STX2: variants seen among roughly 807,000 people sequenced by gnomAD.
STX2 encodes the protein syntaxin-2.
STX2 carries 27 observed loss-of-function variants against 40.6 expected under a neutral mutation model. That is an observed-to-expected ratio of 0.66 (90% CI 0.49 to 0.92). The LOEUF (loss-of-function observed/expected upper bound fraction) is 0.92. Ranked by LOEUF, STX2 falls within the 40% of genes least tolerant of loss-of-function variation. The pLI, the probability that STX2 is intolerant of heterozygous loss-of-function variation, is 0.00. For missense variants in STX2, 328 were observed against 366.1 expected (o/e 0.90, Z 0.85); for synonymous variants, 123 against 119.1 (o/e 1.03, Z -0.22).
rs1331470637 is a variant in STX2, at chr12:130,818,186, ATATATATATATATAT to A, written c.205+3488_205+3502del. On this transcript the variant is annotated intron_variant, in intron 3 of 10. Transcript: ENST00000392373. Reference sequence around the variant, plus strand: ...CTGTTTCTACAAAAAAAAAAAAAAAATATATATATATATATATATATATATATATATAAAATTATC... The same window carrying A: ...CTGTTTCTACAAAAAAAAAAAAAAAAATATATATATATATATAAAATTATC... 1.7e-3 allele frequency among the ~76,000 whole-genome samples: 105 copies of A among 62,290 alleles called. 3 individuals are homozygous for A. The highest frequency in any genetic ancestry group is 2.1e-3 in the Non-Finnish European group (82 of 38,994). The allele number at this position is 62,290 out of a possible 152,430, so 40.9% of individuals were successfully genotyped here.
intron 2 of STX2, among the ~76,000 whole-genome samples, chr12:130,824,703 C>A (rs986340909): frequency 5.9e-5 from 9 of 151,816 alleles, no homozygotes; most frequent in African/African-American, 2.2e-4. Context: ...TAGTGTTAAC[C>A]AAACACTCAC....
chr12:130,828,418 T>G (rs1183841010), intron 1 of STX2, among the ~76,000 whole-genome samples: 1 of 149,284 alleles, frequency 6.7e-6, no homozygotes, highest in Non-Finnish European at 1.5e-5. Flanking sequence ...TTTTGTATTT[T>G]TAGTAGAGAC....
rs184103290 is a variant in STX2 at position 130,792,107 on chromosome 12, G to C, written c.*46-130C>G. The C allele has an allele frequency of 8.3e-4, 472 of 571,178 alleles. 1 individual carries two copies. The highest frequency in any genetic ancestry group is 7.7e-3 in the Middle Eastern group (16 of 2,082). 35.4% of individuals were successfully genotyped at this position (571,178 alleles called of 1,614,324 possible). On this transcript the variant is annotated intron_variant, in intron 10 of 10. Transcript: ENST00000392373. ...CATTATCAAGAAAGGACTCCTCCAT[G>C]TCATAGAAAAGAATGTGATCTTGGC...
intron 9 of STX2, 132 bp from the exon 10 acceptor site, chr12:130,796,252 G>C: frequency 8.9e-7 from 1 of 1,124,954 alleles, no homozygotes; most frequent in South Asian, 1.6e-5. Context: ...TCAGCACTTT[G>C]GGAGTCCGAG....
chr12:130,828,391 C>CTT (rs35993256), intron 1 of STX2, among the ~76,000 whole-genome samples: 1,403 of 106,470 alleles, frequency 0.013, 57 homozygotes, highest in African/African-American at 0.048. Context: ...CCACACCCGG[C>CTT]TTTTTTTTTT....
intron 3 of STX2, among the ~76,000 whole-genome samples, chr12:130,818,185 A>AAAAAAATATATATATATATATAT: frequency 8.5e-5 from 6 of 70,534 alleles, no homozygotes; most frequent in African/African-American, 4.8e-4. Context: ...AAAAAAAAAA[A>AAAAAAATATATATATATATATAT]ATATATATAT....
intron 1 of STX2, among the ~76,000 whole-genome samples, chr12:130,835,162 G>A (rs567463222): frequency 5.1e-4 from 77 of 152,186 alleles, no homozygotes; most frequent in Non-Finnish European, 8.4e-4. Flanking sequence ...AGCGGCACGC[G>A]CCTGTGGTCC....
intron 3 of STX2, among the ~76,000 whole-genome samples, chr12:130,816,072 C>G (rs1169064222): frequency 1.3e-5 from 2 of 152,236 alleles, no homozygotes; most frequent in Non-Finnish European, 2.9e-5. Flanking sequence ...GAGGCTGATG[C>G]AAACACCCCC....
chr12:130,817,801 G>A (rs946223791), intron 3 of STX2, among the ~76,000 whole-genome samples: 1 of 151,870 alleles, frequency 6.6e-6, no homozygotes, highest in Non-Finnish European at 1.5e-5. Context: ...TTCTAAACTA[G>A]AATCTTCTAC....
In STX2 at chr12:130,814,711, G is replaced by A. The variant is rs138379458; in HGVS notation, c.206-1680C>T. Among the ~76,000 whole-genome samples, 845 of 128,938 alleles carry A rather than the reference G, an allele frequency of 6.6e-3. 11 individuals are homozygous for A. Among genetic ancestry groups the A allele is most frequent in the African/African-American group, 0.024 (808 of 33,662 alleles). The allele number at this position is 128,938 out of a possible 152,430, so 84.6% of individuals were successfully genotyped here. A position where few individuals can be genotyped will look rare whatever the true frequency, so the allele number is the denominator to read the frequency against. ...GAGTGCAGTGGCACAATCTCGACTCGTTGCAACTTCCGCCTCCTGGGTTCA... is the reference window on the plus strand; with the variant it reads ...GAGTGCAGTGGCACAATCTCGACTCATTGCAACTTCCGCCTCCTGGGTTCA... On this transcript the variant is annotated intron_variant, in intron 3 of 10. Coordinates refer to ENST00000392373, the MANE Select transcript of STX2 (RefSeq NM_194356.4).
chr12:130,835,783 T>G (rs573875345), intron 1 of STX2, among the ~76,000 whole-genome samples: 23 of 152,116 alleles, frequency 1.5e-4, no homozygotes, highest in Non-Finnish European at 2.9e-4. Context: ...GGATTTAGAG[T>G]GTCAGAGATC....
chr12:130,803,814 C>T (rs1347247774), intron 6 of STX2, among the ~76,000 whole-genome samples: 2 of 152,144 alleles, frequency 1.3e-5, no homozygotes, highest in African/African-American at 4.8e-5. Context: ...AATTCCTTAT[C>T]CAGAATGCTG....
In STX2 at chr12:130,812,951, A is replaced by C. The variant is rs765202800; in HGVS notation, c.280+6T>G. 51 of 1,547,002 alleles carry C rather than the reference A, an allele frequency of 3.3e-5. No homozygotes were observed. Among genetic ancestry groups the C allele is most frequent in the Non-Finnish European group, 4.2e-5 (48 of 1,147,848 alleles). On this transcript the variant is annotated splice_donor_region_variant and intron_variant, in intron 4 of 10. Transcript: ENST00000392373. ...TCAATAATTAAACATAAAACTTCAA[A>C]CTTACCCTTTAACTTGGCTCGAATT...
Position 130,807,288 on chromosome 12 carries a change from C to T in STX2, c.355-198G>A, listed in dbSNP as rs182315642. ...TGATCTTACCTAATTTTTACAAGAC[C>T]CCTACTATGCCGGTCACAACCCTAC... On this transcript the variant is annotated intron_variant, in intron 5 of 10. Coordinates refer to ENST00000392373, the MANE Select transcript of STX2 (RefSeq NM_194356.4). 2.9e-3 allele frequency among the ~76,000 whole-genome samples: 420 copies of T among 144,768 alleles called. 1 individual carries two copies. The highest frequency in any genetic ancestry group is 0.011 in the African/African-American group (392 of 34,890). 95.0% of individuals were successfully genotyped at this position (144,768 alleles called of 152,430 possible).
intron 1 of STX2, among the ~76,000 whole-genome samples, chr12:130,833,191 C>A (rs986657533): frequency 6.6e-6 from 1 of 152,090 alleles, no homozygotes; most frequent in Admixed American, 6.5e-5. Flanking sequence ...AAGAGAAGGG[C>A]AGACACAGAC....
intron 9 of STX2, among the ~76,000 whole-genome samples, chr12:130,796,718 C>T (rs1021839781): frequency 1.1e-4 from 16 of 152,252 alleles, no homozygotes; most frequent in South Asian, 6.2e-4. Context: ...GTTAGTTTTC[C>T]GCATGTACAG....
chr12:130,816,211 G>A (rs952938718), intron 3 of STX2, among the ~76,000 whole-genome samples: 1 of 152,226 alleles, frequency 6.6e-6, no homozygotes, highest in Non-Finnish European at 1.5e-5. Context: ...AGGACGACTA[G>A]ACTCGGGAGA....
chr12:130,820,769 G>A (rs530632300), intron 3 of STX2, among the ~76,000 whole-genome samples: 18 of 152,212 alleles, frequency 1.2e-4, no homozygotes, highest in African/African-American at 4.3e-4. Context: ...AGATGTGCGC[G>A]ACCCTCCTCG....
chr12:130,831,866 ATTTTT>A (rs60003050), intron 1 of STX2, among the ~76,000 whole-genome samples: 1 of 106,620 alleles, frequency 9.4e-6, no homozygotes, highest in African/African-American at 3.2e-5. Context: ...CACTTCTGCA[ATTTTT>A]TTTTTTTTTT....
Sources: gnomAD v4.1 joint callset for allele counts (sites outside exome capture counted in the v4.1 genomes callset) on GRCh38, gnomAD v4.1.1 for gene constraint, MANE v1.5 for transcripts, NCBI Gene and HGNC (gene_info 2026-07-23, HGNC 2026-07-21) for gene names.